The following INPP4B variants were observed in gnomAD, a reference collection of about 807,000 sequenced individuals.
The protein encoded by INPP4B is inositol polyphosphate 4-phosphatase type II.
Under a neutral mutation model 122.5 loss-of-function variants are expected in INPP4B, and 55 were observed. The observed-to-expected ratio is 0.45, with a 90% CI of 0.36 to 0.56. The LOEUF (loss-of-function observed/expected upper bound fraction) is 0.56. Ranked by LOEUF, INPP4B falls within the 20% of genes least tolerant of loss-of-function variation. The probability of loss-of-function intolerance (pLI) is 0.00; values close to 1 mark genes in which losing one functional copy is unlikely to be tolerated. For missense variants in INPP4B, 1,000 were observed against 1,097.7 expected (o/e 0.91, Z 1.26); for synonymous variants, 403 against 388.7 (o/e 1.04, Z -0.43).
At chr4:142,328,943 A>G (rs1386682689) in intron 7 of INPP4B, among the ~76,000 whole-genome samples, 1 of 152,118 alleles carries the variant, frequency 6.6e-6, no homozygotes, top group African/African-American at 2.4e-5. Context: ...TCAGAGGTGG[A>G]TGTGATGATT....
intron 7 of INPP4B, among the ~76,000 whole-genome samples, chr4:142,373,960 T>C (rs1790875961): frequency 6.6e-6 from 1 of 151,804 alleles, no homozygotes; most frequent in African/African-American, 2.4e-5. Context: ...AGCCACGGTA[T>C]GACAGGCACT....
chr4:142,092,137 C>A (rs967797594), intron 23 of INPP4B, among the ~76,000 whole-genome samples: 13 of 152,168 alleles, frequency 8.5e-5, no homozygotes, highest in Admixed American at 7.9e-4. Flanking sequence ...GAGTGAAGCT[C>A]CTGAAGAGGA....
intron 15 of INPP4B, among the ~76,000 whole-genome samples, chr4:142,190,903 G>T (rs1835509044): frequency 6.6e-6 from 1 of 152,056 alleles, no homozygotes. Flanking sequence ...AAATTAGAGG[G>T]TTAGGTTCCA....
intron 7 of INPP4B, among the ~76,000 whole-genome samples, chr4:142,391,188 A>G (rs531681660): frequency 2.6e-5 from 4 of 152,362 alleles, no homozygotes; most frequent in Non-Finnish European, 5.9e-5. Flanking sequence ...ATTACCTATA[A>G]TAACCCATCA....
chr4:142,642,462 A>C (rs1167053814), intron 2 of INPP4B, among the ~76,000 whole-genome samples: 1 of 152,168 alleles, frequency 6.6e-6, no homozygotes, highest in African/African-American at 2.4e-5. Context: ...TAAGGAAGGG[A>C]TCCAGTTTCA....
At chr4:142,313,398 G>A (rs1356196398) in intron 8 of INPP4B, among the ~76,000 whole-genome samples, 1 of 152,164 alleles carries the variant, frequency 6.6e-6, no homozygotes, top group African/African-American at 2.4e-5. Flanking sequence ...ACTTTAAAAA[G>A]TCTCACATTT....
intron 2 of INPP4B, among the ~76,000 whole-genome samples, chr4:142,510,984 T>C (rs1372965889): frequency 2.0e-5 from 3 of 152,158 alleles, no homozygotes; most frequent in East Asian, 3.9e-4. Flanking sequence ...CAGTTCCAAA[T>C]TGAATGTGAC....
intron 2 of INPP4B, among the ~76,000 whole-genome samples, chr4:142,505,289 G>A (rs1823876343): frequency 6.6e-6 from 1 of 151,416 alleles, no homozygotes; most frequent in South Asian, 2.1e-4. Context: ...TTATGTGTGT[G>A]AATATAATTA....
chr4:142,694,453 C>A (rs1475651858), intron 2 of INPP4B, among the ~76,000 whole-genome samples: 2 of 151,156 alleles, frequency 1.3e-5, no homozygotes, highest in East Asian at 1.9e-4. Context: ...CTTTAATAAT[C>A]TTTAATAAAT....
intron 2 of INPP4B, among the ~76,000 whole-genome samples, chr4:142,502,351 G>T (rs943320230): frequency 2.0e-5 from 3 of 152,060 alleles, no homozygotes; most frequent in African/African-American, 7.2e-5. Flanking sequence ...GAAAATCTTT[G>T]AATGTACTTA....
rs78998024 is a variant in INPP4B, at chr4:142,504,159, T to A, written c.-190-41433A>T. Among the ~76,000 whole-genome samples the A allele has an allele frequency of 8.9e-3, 1,359 of 152,030 alleles. 14 individuals carry two copies. Among genetic ancestry groups the A allele is most frequent in the African/African-American group, 0.031 (1,305 of 41,492 alleles). ...CAAATGGTATACTAAGGGTTAATTA[T>A]CCACAATATGCAAAATACTATTAAA... On this transcript the variant is annotated intron_variant, in intron 2 of 25. Coordinates refer to ENST00000262992, the MANE Select transcript of INPP4B (RefSeq NM_001101669.3).
chr4:142,761,433 A>C (rs145270992), intron 1 of INPP4B, among the ~76,000 whole-genome samples: 1 of 152,184 alleles, frequency 6.6e-6, no homozygotes, highest in Non-Finnish European at 1.5e-5. Context: ...CTTTCTACAC[A>C]AAAACATACA....
intron 9 of INPP4B, among the ~76,000 whole-genome samples, chr4:142,285,100 T>C (rs892895427): frequency 2.7e-5 from 4 of 150,536 alleles, no homozygotes; most frequent in Non-Finnish European, 5.9e-5. Flanking sequence ...CTGGAGGGAG[T>C]GTACTGGAAA....
chr4:142,521,614 G>A (rs958930134), intron 2 of INPP4B, among the ~76,000 whole-genome samples: 6 of 151,914 alleles, frequency 3.9e-5, no homozygotes, highest in Non-Finnish European at 5.9e-5. Context: ...AGGCCATCCT[G>A]ACCCCTTTTG....
chr4:142,585,513 G>A (rs760387812), intron 2 of INPP4B, among the ~76,000 whole-genome samples: 3 of 152,046 alleles, frequency 2.0e-5, no homozygotes, highest in Non-Finnish European at 4.4e-5. Context: ...GATCATCCAG[G>A]ACAGCAAATC....
At chr4:142,379,151 A>G (rs2148825270) in intron 7 of INPP4B, among the ~76,000 whole-genome samples, 1 of 152,280 alleles carries the variant, frequency 6.6e-6, no homozygotes, top group Middle Eastern at 3.4e-3. Context: ...AAATTTAAAT[A>G]TCACTATAGG....
chr4:142,783,717 A>G (rs1775269698), intron 1 of INPP4B, among the ~76,000 whole-genome samples: 1 of 152,178 alleles, frequency 6.6e-6, no homozygotes, highest in Admixed American at 6.6e-5. Flanking sequence ...TGCATTAAAA[A>G]GAATAGAGAG....
At chr4:142,526,643 C>T (rs142554977) in intron 2 of INPP4B, among the ~76,000 whole-genome samples, 53 of 152,120 alleles carry the variant, frequency 3.5e-4, no homozygotes, top group African/African-American at 1.2e-3. Flanking sequence ...TTGTAACATC[C>T]GTAAATCCAT....
intron 25 of INPP4B, among the ~76,000 whole-genome samples, chr4:142,077,678 A>G (rs1429337057): frequency 2.0e-5 from 3 of 151,586 alleles, no homozygotes; most frequent in Non-Finnish European, 4.4e-5. Flanking sequence ...CTGATAAAGT[A>G]TTCTCCCTTT....
Sources: allele counts gnomAD v4.1 joint callset (sites outside exome capture counted in the v4.1 genomes callset), GRCh38; gene constraint gnomAD v4.1.1; transcripts MANE v1.5; gene names NCBI Gene and HGNC (gene_info 2026-07-23, HGNC 2026-07-21).